The following TRPM7 variants were observed in gnomAD, a reference collection of about 807,000 sequenced individuals.
The protein encoded by TRPM7 is transient receptor potential cation channel subfamily M member 7.
TRPM7 carries 134 observed loss-of-function variants against 229.7 expected under a neutral mutation model. The observed-to-expected ratio is 0.58, with a 90% CI of 0.51 to 0.67. The LOEUF (loss-of-function observed/expected upper bound fraction) is 0.67, where lower values mean the gene tolerates loss of function less well. Among genes scored for constraint, TRPM7 ranks in the 30% least tolerant of loss-of-function variants. The pLI is 0.00. For synonymous variants in TRPM7, 699 were observed against 715.2 expected, an observed-to-expected ratio of 0.98 and a Z score of 0.36; for missense variants, 1,901 against 2,210.0, an observed-to-expected ratio of 0.86 and a Z score of 2.80.
rs565496924 is a variant in TRPM7, at chr15:50,614,163, C to T, written c.1595G>A (p.Arg532His). Reference protein sequence around the residue: ...GTYRCTYTRKRFRLIYNSLGG... With the variant: ...GTYRCTYTRKHFRLIYNSLGG... ...AAGACTATTATATATTAATCGAAAA[C>T]GTTTCCTAGTATAGGTGCATCTGTA... is the stretch of plus-strand genomic sequence containing the variant. Residue 532 changes from arginine (R) to histidine (H), a missense_variant, in exon 14 of 39, where the codon CGT becomes CAT. Physicochemically the swap from Arg to His is conservative, Grantham distance 29. This residue lies in a region of TRPM7 where 794 missense variants were observed against 881.9 expected (regional missense o/e 0.90). Coordinates refer to ENST00000646667, the MANE Select transcript of TRPM7 (RefSeq NM_017672.6). The T allele has an allele frequency of 8.1e-6, 13 of 1,611,762 alleles. No individual in the cohort carries two copies. In the East Asian group the frequency reaches 1.6e-4, roughly 19 times the overall value.
At chr15:50,683,147 C>CA (rs529849017) in intron 1 of TRPM7, among the ~76,000 whole-genome samples, 8 of 151,680 alleles carry the variant, frequency 5.3e-5, no homozygotes, top group Non-Finnish European at 8.8e-5. Flanking sequence ...CTCAGTCTCT[C>CA]AAAGTGCTAG....
intron 4 of TRPM7, among the ~76,000 whole-genome samples, chr15:50,643,988 G>C (rs550169926): frequency 3.3e-5 from 5 of 152,316 alleles, no homozygotes; most frequent in Non-Finnish European, 7.4e-5. Context: ...GCTATGAAGA[G>C]AGGCAAATAC....
chr15:50,567,153 ATTT>A (rs1198798443), intron 38 of TRPM7, among the ~76,000 whole-genome samples: 1 of 151,902 alleles, frequency 6.6e-6, no homozygotes, highest in African/African-American at 2.4e-5. Context: ...TGCTTAGTTT[ATTT>A]TTTTATTTTT....
intron 16 of TRPM7, 145 bp from the exon 17 acceptor site, chr15:50,611,466 T>G: frequency 1.5e-6 from 1 of 652,452 alleles, no homozygotes; most frequent in Admixed American, 2.9e-5. Flanking sequence ...ATAACTCTGT[T>G]TTCAGACATC....
intron 15 of TRPM7, 59 bp from the exon 16 acceptor site, chr15:50,612,888 CAG>C: frequency 1.4e-6 from 2 of 1,478,362 alleles, no homozygotes; most frequent in Non-Finnish European, 1.8e-6. Flanking sequence ...AAATTTATGT[CAG>C]TGAAAATTTT....
At chr15:50,639,672 T>C in intron 5 of TRPM7, 124 bp from the exon 6 acceptor site, 1 of 750,326 alleles carries the variant, frequency 1.3e-6, no homozygotes, top group African/African-American at 1.8e-5. Context: ...ACTCAAGCGA[T>C]CCTCCCTTGT....
intron 1 of TRPM7, among the ~76,000 whole-genome samples, chr15:50,663,251 C>T (rs1484717614): frequency 1.3e-5 from 2 of 152,034 alleles, no homozygotes; most frequent in East Asian, 3.9e-4. Flanking sequence ...GCCTCAGCCT[C>T]CCGGGTAGCT....
rs1407376917 is a variant in TRPM7, at chr15:50,651,967, A to T, written c.123-3082T>A. The stretch of plus-strand genomic sequence containing the variant: ...AAAAATTTCATTTAAAAAATAACCT[A>T]AACTTCTACCTTAAAAACTAAAAAT... On this transcript the variant is annotated intron_variant, in intron 3 of 38. Coordinates refer to ENST00000646667, the MANE Select transcript of TRPM7 (RefSeq NM_017672.6). Among the ~76,000 whole-genome samples the T allele has an allele frequency of 7.9e-5, 12 of 152,054 alleles. 1 individual carries two copies. The highest frequency in any genetic ancestry group is 7.9e-4 in the Admixed American group (12 of 15,248).
rs1399848942 is a variant in TRPM7 at position 50,560,532 on chromosome 15, GAAAAAGAAAA to G, written c.*1136_*1145del. The stretch of plus-strand genomic sequence containing the variant: ...TAAAATTAGTACCAAGGAAACAAAA[GAAAAAGAAAA>G]AAAAAGAAAAAAAATTAAAGCATAA... On this transcript the variant is annotated 3_prime_UTR_variant, in exon 39 of 39. Coordinates refer to ENST00000646667, the MANE Select transcript of TRPM7 (RefSeq NM_017672.6). The G allele has an allele frequency of 5.5e-5, 8 of 145,468 alleles. No homozygotes were observed. The highest frequency in any genetic ancestry group is 4.0e-4 in the East Asian group (2 of 4,996). The allele number at this position is 145,468 out of a possible 1,614,324, so 9.0% of individuals were successfully genotyped here.
intron 3 of TRPM7, among the ~76,000 whole-genome samples, chr15:50,652,655 CGT>C (rs545548824): frequency 3.9e-4 from 41 of 104,462 alleles, no homozygotes; most frequent in African/African-American, 1.3e-3. Context: ...CCAAAAAAAT[CGT>C]TTAAGTGGGT....
At chr15:50,654,185 C>T (rs2061495714) in intron 3 of TRPM7, among the ~76,000 whole-genome samples, 1 of 152,152 alleles carries the variant, frequency 6.6e-6, no homozygotes, top group African/African-American at 2.4e-5. Flanking sequence ...TGCAGTGACT[C>T]ACACCATCCC....
At chr15:50,662,885 T>C (rs2061768550) in intron 2 of TRPM7, 82 bp downstream of exon 2, 2 of 986,154 alleles carry the variant, frequency 2.0e-6, no homozygotes, top group Non-Finnish European at 1.6e-6. Context: ...TATTTAGTGG[T>C]TTTTGTTTCC....
At chr15:50,570,391 G>A (rs959671537) in intron 36 of TRPM7, among the ~76,000 whole-genome samples, 1 of 152,132 alleles carries the variant, frequency 6.6e-6, no homozygotes, top group Non-Finnish European at 1.5e-5. Flanking sequence ...AGAGTTAAAC[G>A]TCAGAGTTGG....
chr15:50,573,014 G>A (rs2053962532), intron 36 of TRPM7, among the ~76,000 whole-genome samples: 1 of 152,180 alleles, frequency 6.6e-6, no homozygotes, highest in Non-Finnish European at 1.5e-5. Context: ...AAGCTCAGCA[G>A]ACATTACTCC....
intron 27 of TRPM7, 114 bp downstream of exon 27, chr15:50,589,478 T>A: frequency 1.4e-6 from 1 of 693,602 alleles, no homozygotes; most frequent in Non-Finnish European, 2.4e-6. Context: ...AGCATGTTAA[T>A]GATATCTGCT....
chr15:50,600,462 C>A (rs1268265750), intron 21 of TRPM7, among the ~76,000 whole-genome samples: 2 of 149,114 alleles, frequency 1.3e-5, no homozygotes, highest in Non-Finnish European at 3.0e-5. Context: ...AGGGAATATA[C>A]ATATAAAAAA....
intron 1 of TRPM7, among the ~76,000 whole-genome samples, chr15:50,681,622 A>G (rs2062241353): frequency 1.3e-5 from 2 of 152,204 alleles, no homozygotes; most frequent in Non-Finnish European, 2.9e-5. Context: ...ACATTTTTCA[A>G]TCAGTGAACT....
chr15:50,645,920 G>A (rs1043259521), intron 4 of TRPM7, among the ~76,000 whole-genome samples: 7 of 151,886 alleles, frequency 4.6e-5, no homozygotes, highest in Non-Finnish European at 8.8e-5. Flanking sequence ...TTTGGGAGGC[G>A]GAGGCGGAGG....
At chr15:50,614,295 A>G (rs1269027197) in intron 13 of TRPM7, 32 bp from the exon 14 acceptor site, 1 of 1,559,704 alleles carries the variant, frequency 6.4e-7, no homozygotes, top group Admixed American at 2.0e-5. Flanking sequence ...TAAATAGATC[A>G]GATAGCACTT....
Sources: gnomAD v4.1 joint callset for allele counts (sites outside exome capture counted in the v4.1 genomes callset) on GRCh38, gnomAD v4.1.1 for gene constraint, gnomAD v4.1.1 regional missense constraint, MANE v1.5 for transcripts, NCBI Gene and HGNC (gene_info 2026-07-23, HGNC 2026-07-21) for gene names.